Variants in FAM131A observed in about 807,000 individuals in gnomAD.
FAM131A encodes the protein protein FAM131A.
Under a neutral mutation model 39.2 loss-of-function variants are expected in FAM131A, and 24 were observed. The ratio of observed to expected loss-of-function variants is 0.61; its 90% CI spans 0.44 to 0.86. The LOEUF is 0.86. Among genes scored for constraint, FAM131A ranks in the 40% least tolerant of loss-of-function variants. FAM131A has a pLI of 0.00. For synonymous variants in FAM131A, 202 were observed against 206.8 expected, an observed-to-expected ratio of 0.98 and a Z score of 0.20; for missense variants, 373 against 481.2, an observed-to-expected ratio of 0.78 and a Z score of 2.10.
At chr3:184,337,331 T>C, upstream of FAM131A, 1 of 294,454 alleles carries the variant, frequency 3.4e-6, no homozygotes, top group South Asian at 6.1e-5. Context: ...GACCAACAGC[T>C]GGCCGAGGCT....
At chr3:184,337,366 C>G, upstream of FAM131A, 1 of 397,806 alleles carries the variant, frequency 2.5e-6, no homozygotes, top group Non-Finnish European at 4.6e-6. Context: ...GCTGCTCCAG[C>G]TAAAGGTCAG....
intron 3 of FAM131A, 79 bp downstream of exon 3, chr3:184,341,896 T>TG (rs866757909): frequency 1.3e-6 from 2 of 1,541,346 alleles, no homozygotes; most frequent in South Asian, 2.2e-5. Context: ...CTGTTTCCTG[T>TG]GAGTACATGC....
chr3:184,343,148 A>G (rs1471040574), intron 5 of FAM131A: 1 of 253,244 alleles, frequency 3.9e-6, no homozygotes, highest in African/African-American at 2.3e-5. Context: ...AAAAAAGCCG[A>G]AAGACCTCAA....
At position 184,338,473 on chromosome 3, in the gene FAM131A, C is replaced by T. The variant is rs1322344993; in HGVS notation, c.175C>T (p.Arg59Ter). 1 of 1,535,492 alleles carries T rather than the reference C, an allele frequency of 6.5e-7. No individual in the cohort carries two copies. The change falls in exon 2 of 6, where the codon CGA (arginine) becomes TGA (stop). Residue 59 changes from arginine to a stop codon, truncating the protein, a stop_gained. Coordinates refer to ENST00000383847, the MANE Select transcript of FAM131A (RefSeq NM_144635.5). LOFTEE classifies it high-confidence loss of function. The stretch of plus-strand genomic sequence containing the variant: ...CTCTTTGGGATCTGCTCGAACCCTC[C>T]GAGGCTGGAGCAGGTCCTCCCGCCC... ...LSSLGSARTL[R>*]GWSRSSRPSS...
chr3:184,345,713 C>A lies in FAM131A; in HGVS notation c.*743C>A. 1.6e-6 allele frequency: 1 copy of A among 611,338 alleles called. No homozygotes were observed. Among genetic ancestry groups the A allele is most frequent in the Non-Finnish European group, 2.9e-6 (1 of 345,720 alleles). 37.9% of individuals were successfully genotyped at this position (611,338 alleles called of 1,614,324 possible). The stretch of plus-strand genomic sequence containing the variant: ...CCCAACCCCTCCTAGGATGTGCGGG[C>A]AGTGTGCTGGCGCCTCACAGCCAGC... On this transcript the variant is annotated 3_prime_UTR_variant, in exon 6 of 6. Coordinates refer to ENST00000383847, the MANE Select transcript of FAM131A (RefSeq NM_144635.5).
At position 184,345,987 on chromosome 3, in the gene FAM131A, T is replaced by C. The variant is rs17774396; in HGVS notation, c.*1017T>C. On this transcript the variant is annotated 3_prime_UTR_variant, in exon 6 of 6. Coordinates refer to ENST00000383847, the MANE Select transcript of FAM131A (RefSeq NM_144635.5). Reference sequence around the variant, plus strand: ...TTCTGTCTGAATGAAAGGCCAAGGCTACAGTACAGGGCCCCACCCCAGCCA... The same window carrying C: ...TTCTGTCTGAATGAAAGGCCAAGGCCACAGTACAGGGCCCCACCCCAGCCA... The C allele has an allele frequency of 0.12, 27,970 of 236,158 alleles. 2,153 individuals are homozygous for C. Among genetic ancestry groups the C allele is most frequent in the Non-Finnish European group, 0.17 (20,163 of 121,386 alleles). 14.6% of individuals were successfully genotyped at this position (236,158 alleles called of 1,614,324 possible).
At chr3:184,337,284 ACCT>A (rs1727162868), upstream of FAM131A, 2 of 246,712 alleles carry the variant, frequency 8.1e-6, no homozygotes, top group East Asian at 9.8e-5. Context: ...ATGGCCTGTA[ACCT>A]CCTGTTTTCC....
upstream of FAM131A, among the ~76,000 whole-genome samples, chr3:184,337,019 G>GTGTGGTTGGTACTTGA (rs1214382332): frequency 1.3e-5 from 2 of 152,244 alleles, no homozygotes; most frequent in African/African-American, 2.4e-5. Context: ...ACAGGCCTTG[G>GTGTGGTTGGTACTTGA]TGTGGTTGGT....
Position 184,345,062 on chromosome 3 carries a change from A to T in FAM131A, c.*92A>T. 1 of 1,227,198 alleles carries T rather than the reference A, an allele frequency of 8.1e-7. No homozygotes were observed. The highest frequency in any genetic ancestry group is 1.1e-6 in the Non-Finnish European group (1 of 908,036). The allele number at this position is 1,227,198 out of a possible 1,614,324, so 76.0% of individuals were successfully genotyped here. ...AGTGTGGGCTCAAGGCTCCCAGCAG[A>T]GCTCCACAGCCTAGAGGGCTCCTGG... On this transcript the variant is annotated 3_prime_UTR_variant, in exon 6 of 6. Transcript: ENST00000383847.
At position 184,345,095 on chromosome 3, in the gene FAM131A, C is replaced by CTA; in HGVS notation, c.*125_*126insTA. 1.1e-6 allele frequency: 1 copy of CTA among 911,402 alleles called. No homozygotes were observed. The highest frequency in any genetic ancestry group is 1.6e-6 in the Non-Finnish European group (1 of 624,476). The allele number at this position is 911,402 out of a possible 1,614,324, so 56.5% of individuals were successfully genotyped here. ...AGCCTAGAGGGCTCCTGGGAGCGCT[C>CTA]GCTTCTCCGTTGTGTGTTTTGCATG... On this transcript the variant is annotated 3_prime_UTR_variant, in exon 6 of 6. Coordinates refer to ENST00000383847, the MANE Select transcript of FAM131A (RefSeq NM_144635.5).
chr3:184,342,941 T>A lies in FAM131A; in HGVS notation c.625+81T>A. 2 of 1,251,574 alleles carry A rather than the reference T, an allele frequency of 1.6e-6. No homozygotes were observed. Among genetic ancestry groups the A allele is most frequent in the Non-Finnish European group, 2.3e-6 (2 of 861,826 alleles). The allele number at this position is 1,251,574 out of a possible 1,614,324, so 77.5% of individuals were successfully genotyped here. A position where few individuals can be genotyped will look rare whatever the true frequency, so the allele number is the denominator to read the frequency against. On this transcript the variant is annotated intron_variant, in intron 5 of 5. Transcript: ENST00000383847. This position sits in a 1 kb window ranked among gnomAD's most constrained non-coding sequence, Gnocchi z 4.6. The stretch of plus-strand genomic sequence containing the variant: ...TCTTTCAGAGCCACATCCAGAACAC[T>A]CTCAGCCTTTGCAAGGGGAGGGAGA...
In FAM131A at chr3:184,343,060, G is replaced by A. The variant is rs183160243; in HGVS notation, c.625+200G>A. On this transcript the variant is annotated intron_variant, in intron 5 of 5. Transcript: ENST00000383847. The stretch of plus-strand genomic sequence containing the variant: ...GAAATGAGCAGACAGAAATGGATTC[G>A]TTCCTTTCCCACAGGTGCTGAGGCT... The A allele has an allele frequency of 2.0e-4, 70 of 344,684 alleles. No homozygotes were observed. The East Asian group carries it at 2.7e-3, about 13-fold the overall frequency. The allele number at this position is 344,684 out of a possible 1,614,324, so 21.4% of individuals were successfully genotyped here. A position where few individuals can be genotyped will look rare whatever the true frequency, so the allele number is the denominator to read the frequency against.
chr3:184,345,504 C>T lies in FAM131A; in HGVS notation c.*534C>T. ...CCGTCCCTCAAGGGCCCCTGCCCAG[C>T]TGGGCTCGTGCTGTGCTTCATTCAC... On this transcript the variant is annotated 3_prime_UTR_variant, in exon 6 of 6. Transcript: ENST00000383847. 1.4e-6 allele frequency: 1 copy of T among 703,060 alleles called. No homozygotes were observed. The highest frequency in any genetic ancestry group is 1.7e-5 in the African/African-American group (1 of 57,392). The allele number at this position is 703,060 out of a possible 1,614,324, so 43.6% of individuals were successfully genotyped here. A position where few individuals can be genotyped will look rare whatever the true frequency, so the allele number is the denominator to read the frequency against.
rs1727581961 is a variant in FAM131A, at chr3:184,345,156, G to A, written c.*186G>A. 3.0e-6 allele frequency: 2 copies of A among 663,912 alleles called. No individual in the cohort carries two copies. Among genetic ancestry groups the A allele is most frequent in the African/African-American group, 1.8e-5 (1 of 54,832 alleles). 41.1% of individuals were successfully genotyped at this position (663,912 alleles called of 1,614,324 possible). ...GAGAGGAGGCAGGGGCTGGGCTGGGGGCGCATGTCCTGCCCCCACTCCCGG... is the reference window on the plus strand; with the variant it reads ...GAGAGGAGGCAGGGGCTGGGCTGGGAGCGCATGTCCTGCCCCCACTCCCGG... On this transcript the variant is annotated 3_prime_UTR_variant, in exon 6 of 6. Transcript: ENST00000383847.
Position 184,342,823 on chromosome 3 carries a change from C to G in FAM131A, c.588C>G (p.Asp196Glu). 1 of 1,613,892 alleles carries G rather than the reference C, an allele frequency of 6.2e-7. No homozygotes were observed. ...TGGATGGCGAGGACTCCACTGATGA[C>G]TCCTATGATGAGGACTTTGCTGGGG... Reference protein sequence around the residue: ...SSVDGEDSTDDSYDEDFAGGM... With the variant: ...SSVDGEDSTDESYDEDFAGGM... The change falls in exon 5 of 6, where the codon GAC (aspartate) becomes GAG (glutamate). Residue 196 changes from aspartate (D) to glutamate (E), a missense_variant. Asp to Glu is a conservative substitution (Grantham distance 45). Transcript: ENST00000383847. This position sits in a 1 kb window ranked among gnomAD's most constrained non-coding sequence, Gnocchi z 4.6.
At chr3:184,336,111 C>T (rs1483634178), upstream of FAM131A, 1 of 152,332 alleles carries the variant, frequency 6.6e-6, no homozygotes, top group Non-Finnish European at 1.5e-5. This position sits in a 1 kb window ranked among gnomAD's most constrained non-coding sequence, Gnocchi z 5.5. Flanking sequence ...CTCTCGGAGC[C>T]CGGCGGGTCA....
chr3:184,344,833 C>T lies in FAM131A; in HGVS notation c.964C>T (p.Pro322Ser). 1 of 1,611,690 alleles carries T rather than the reference C, an allele frequency of 6.2e-7. No homozygotes were observed. ...CTGCCTTTCCCCCGCGGAGGAGGAG[C>T]CAGCCCCCTGCAAGGACTGCCAGCC... ...ESCLSPAEEE[P>S]APCKDCQPLC... is the part of the protein sequence containing the mutation. Residue 322 changes from proline (P) to serine (S), a missense_variant, in exon 6 of 6, where the codon CCA becomes TCA. Around this residue, in one of 2 missense-constraint regions of FAM131A, gnomAD observed 152 missense variants for 133.5 expected, o/e 1.14. Coordinates refer to ENST00000383847, the MANE Select transcript of FAM131A (RefSeq NM_144635.5).
Position 184,342,887 on chromosome 3 carries a change from T to G in FAM131A, c.625+27T>G, listed in dbSNP as rs1336612087. 1 of 1,580,200 alleles carries G rather than the reference T, an allele frequency of 6.3e-7. No individual in the cohort carries two copies. Among genetic ancestry groups the G allele is most frequent in the Admixed American group, 1.7e-5 (1 of 59,750 alleles). On this transcript the variant is annotated intron_variant, in intron 5 of 5. Transcript: ENST00000383847. This position sits in a 1 kb window ranked among gnomAD's most constrained non-coding sequence, Gnocchi z 4.6. ...TGAGGGACATCCTGGGCTAGGGCTG[T>G]GGTGGACCCACCTGATAGACCTTGG...
At chr3:184,339,344 A>G (rs764776644) in intron 2 of FAM131A, 1 of 152,186 alleles carries the variant, frequency 6.6e-6, no homozygotes, top group Non-Finnish European at 1.5e-5. Flanking sequence ...GCATTTTTTC[A>G]CGTAAGGATG....
Sources: allele counts gnomAD v4.1 joint callset (sites outside exome capture counted in the v4.1 genomes callset), GRCh38; gene constraint gnomAD v4.1.1; regional missense constraint gnomAD v4.1.1; non-coding constraint Gnocchi (gnomAD v3.1); transcripts MANE v1.5; gene names NCBI Gene and HGNC (gene_info 2026-07-23, HGNC 2026-07-21).